The following GABRA1 variants were observed in gnomAD, a reference collection of about 807,000 sequenced individuals.
The protein encoded by GABRA1 is gamma-aminobutyric acid receptor subunit alpha-1.
Under a neutral mutation model 48.9 loss-of-function variants are expected in GABRA1, and 9 were observed. The ratio of observed to expected loss-of-function variants is 0.18; its 90% confidence interval spans 0.11 to 0.32. The LOEUF is 0.32. Among genes scored for constraint, GABRA1 ranks in the 10% least tolerant of loss-of-function variants. The pLI is 1.00. For missense variants in GABRA1, 285 were observed against 553.8 expected (o/e 0.51, Z 4.87); for synonymous variants, 210 against 198.7 (o/e 1.06, Z -0.48).
chr5:161,896,773 A>G (rs929463616), intron 9 of GABRA1, among the ~76,000 whole-genome samples: 3 of 152,190 alleles, frequency 2.0e-5, no homozygotes, highest in Admixed American at 6.5e-5. Context: ...TCCTGGTCAC[A>G]GCATATTAAA....
chr5:161,882,998 A>G (rs1328644596), intron 7 of GABRA1, among the ~76,000 whole-genome samples: 1 of 152,174 alleles, frequency 6.6e-6, no homozygotes, highest in Non-Finnish European at 1.5e-5. Context: ...TCTGGGTTAA[A>G]TCCTTATTCC....
chr5:161,875,365 CAAACA>C (rs1382410835), intron 5 of GABRA1, among the ~76,000 whole-genome samples, 190 bp from the exon 6 acceptor site: 1 of 152,112 alleles, frequency 6.6e-6, no homozygotes, highest in East Asian at 1.9e-4. Context: ...TTAAAGCAAA[CAAACA>C]AAAGGATAGA....
chr5:161,883,413 A>C (rs912168385), intron 7 of GABRA1, among the ~76,000 whole-genome samples: 1 of 152,144 alleles, frequency 6.6e-6, no homozygotes, highest in Non-Finnish European at 1.5e-5. Context: ...CTGGACCCAC[A>C]TCTTTAAAGT....
intron 3 of GABRA1, among the ~76,000 whole-genome samples, chr5:161,856,426 T>C (rs1185635520): frequency 6.6e-6 from 1 of 151,430 alleles, no homozygotes; most frequent in African/African-American, 2.4e-5. Context: ...CCTAATATGC[T>C]ACAATAATTC....
At chr5:161,871,703 A>G (rs945944514) in intron 4 of GABRA1, among the ~76,000 whole-genome samples, 4 of 152,164 alleles carry the variant, frequency 2.6e-5, no homozygotes, top group Non-Finnish European at 5.9e-5. Flanking sequence ...CCCTTTATGT[A>G]TCTATCACAG....
upstream of GABRA1, chr5:161,847,452 C>G (rs1036547247): frequency 2.0e-5 from 3 of 152,194 alleles, no homozygotes; most frequent in Non-Finnish European, 4.4e-5. Context: ...CATAGACAAA[C>G]AGTTGCCTCC....
At chr5:161,868,568 A>G (rs916372175) in intron 4 of GABRA1, among the ~76,000 whole-genome samples, 1 of 152,182 alleles carries the variant, frequency 6.6e-6, no homozygotes, top group African/African-American at 2.4e-5. Context: ...ATTCAAAAAC[A>G]TCACACACTG....
chr5:161,895,764 G>T lies in GABRA1; in HGVS notation c.955G>T (p.Val319Leu). ...YATAMDWFIA[V>L]CYAFVFSALI... ...AACAGCTATGGATTGGTTTATTGCC[G>T]TGTGCTATGCCTTTGTGTTCTCAGC... The change falls in exon 9 of 10, where the codon GTG becomes TTG. Residue 319 changes from valine (V) to leucine (L), a missense_variant. This residue lies in a region of GABRA1 where 14 missense variants were observed against 113.8 expected (regional missense o/e 0.12). Transcript: ENST00000393943. 1.2e-6 allele frequency: 2 copies of T among 1,613,846 alleles called. No homozygotes were observed. The highest frequency in any genetic ancestry group is 1.7e-6 in the Non-Finnish European group (2 of 1,179,912).
At chr5:161,855,466 A>T (rs1314576632) in intron 3 of GABRA1, among the ~76,000 whole-genome samples, 1 of 151,510 alleles carries the variant, frequency 6.6e-6, no homozygotes, top group African/African-American at 2.4e-5. Context: ...AATTTCAAAC[A>T]TTCATTTTAG....
intron 6 of GABRA1, among the ~76,000 whole-genome samples, chr5:161,879,916 G>A (rs1369144481): frequency 6.6e-6 from 1 of 152,150 alleles, no homozygotes; most frequent in East Asian, 1.9e-4. Context: ...TAAAAAGATA[G>A]GGTGCAGACA....
intron 7 of GABRA1, among the ~76,000 whole-genome samples, chr5:161,884,876 G>A (rs1754776059): frequency 6.6e-6 from 1 of 152,082 alleles, no homozygotes; most frequent in African/African-American, 2.4e-5. Flanking sequence ...TTCAAAATTA[G>A]AGGCTTAGTC....
intron 3 of GABRA1, among the ~76,000 whole-genome samples, chr5:161,854,965 A>G (rs1190700290): frequency 1.3e-5 from 2 of 151,560 alleles, no homozygotes; most frequent in Non-Finnish European, 3.0e-5. Flanking sequence ...TAATCAAACT[A>G]TCTTATTTGG....
At chr5:161,848,528 C>CGGG (rs1450654848) in intron 1 of GABRA1, 106 bp downstream of exon 1, 9 of 5,508 alleles carry the variant, frequency 1.6e-3, no homozygotes, top group East Asian at 3.9e-3. Context: ...CGGGGGGAGA[C>CGGG]GGGGGGAGAG....
intron 4 of GABRA1, among the ~76,000 whole-genome samples, chr5:161,871,924 A>G (rs1180364932): frequency 6.6e-6 from 1 of 152,216 alleles, no homozygotes; most frequent in Non-Finnish European, 1.5e-5. Flanking sequence ...CATGTGCCAG[A>G]GAACACACCT....
chr5:161,891,929 C>T (rs1389926872), intron 8 of GABRA1, among the ~76,000 whole-genome samples: 1 of 152,036 alleles, frequency 6.6e-6, no homozygotes, highest in East Asian at 2.0e-4. Context: ...GCCTGTATTA[C>T]TTAACTATAA....
chr5:161,896,734 C>T (rs1755385407), intron 9 of GABRA1, among the ~76,000 whole-genome samples: 1 of 152,062 alleles, frequency 6.6e-6, no homozygotes, highest in East Asian at 1.9e-4. Flanking sequence ...TTTGTTGATG[C>T]CCACTTGAAT....
chr5:161,847,665 G>C (rs894341895), upstream of GABRA1: 2 of 152,194 alleles, frequency 1.3e-5, no homozygotes, highest in Non-Finnish European at 2.9e-5. Flanking sequence ...ATATGTGTGG[G>C]AGTGTGTGTG....
At chr5:161,860,401 T>A (rs1270222713) in intron 3 of GABRA1, among the ~76,000 whole-genome samples, 1 of 151,090 alleles carries the variant, frequency 6.6e-6, no homozygotes, top group Non-Finnish European at 1.5e-5. Context: ...TCACATGTTC[T>A]CACTTATTAG....
chr5:161,887,060 A>G (rs1307674382), intron 7 of GABRA1, among the ~76,000 whole-genome samples: 1 of 152,216 alleles, frequency 6.6e-6, no homozygotes, highest in African/African-American at 2.4e-5. Flanking sequence ...AGAAAACATT[A>G]ATAATGTAAT....
Sources: allele counts gnomAD v4.1 joint callset (sites outside exome capture counted in the v4.1 genomes callset), GRCh38; gene constraint gnomAD v4.1.1; regional missense constraint gnomAD v4.1.1; transcripts MANE v1.5; gene names NCBI Gene and HGNC (gene_info 2026-07-23, HGNC 2026-07-21).